SV2B: variants seen among roughly 807,000 people sequenced by gnomAD.
SV2B encodes the protein synaptic vesicle glycoprotein 2B.
In SV2B, 41 loss-of-function variants were observed where a neutral mutation model predicts 73.9. The ratio of observed to expected loss-of-function variants is 0.56; its 90% confidence interval spans 0.43 to 0.72. The LOEUF is 0.72. SV2B is among the 30% of genes least tolerant of loss of function. The probability of loss-of-function intolerance (pLI) is 0.00; values close to 1 mark genes in which losing one functional copy is unlikely to be tolerated. For missense variants in SV2B, 764 were observed against 857.8 expected (o/e 0.89, Z 1.37); for synonymous variants, 314 against 314.2 (o/e 1.00, Z 0.01).
In SV2B at chr15:91,132,623, G is replaced by C. The variant is rs2042689649; in HGVS notation, c.-392+32260G>C. Among the ~76,000 whole-genome samples, 2 of 152,170 alleles carry C rather than the reference G, an allele frequency of 1.3e-5. No homozygotes were observed. Among genetic ancestry groups the C allele is most frequent in the East Asian group, 1.9e-4 (1 of 5,200 alleles). ...TGTTACTTAGGAGTGGAAAGTTAGGGTTTTCCTTTTGATTTAGTTCTAGGA... is the reference window on the plus strand; with the variant it reads ...TGTTACTTAGGAGTGGAAAGTTAGGCTTTTCCTTTTGATTTAGTTCTAGGA... On this transcript the variant is annotated intron_variant, in intron 1 of 12. Transcript: ENST00000394232. The surrounding 1 kb of genome is among the most constrained non-coding windows in gnomAD (Gnocchi z 4.6).
At chr15:91,183,757 A>T (rs1287253501) in intron 1 of SV2B, among the ~76,000 whole-genome samples, 2 of 152,242 alleles carry the variant, frequency 1.3e-5, no homozygotes, top group Non-Finnish European at 2.9e-5. Context: ...GAGCAAACAG[A>T]TCAAAGAAGT....
rs1228115580 is a variant in SV2B at position 91,226,109 on chromosome 15, G to C, written c.-155G>C. Reference sequence around the variant, plus strand: ...TCTGGTTGATTTGAGAGATAAAGGGGGGGGGAACCAGTGTGACTTTCACCT... The same window carrying C: ...TCTGGTTGATTTGAGAGATAAAGGGCGGGGGAACCAGTGTGACTTTCACCT... On this transcript the variant is annotated 5_prime_UTR_variant, in exon 2 of 13. Coordinates refer to ENST00000394232, the MANE Select transcript of SV2B (RefSeq NM_001323032.3). 1.4e-6 allele frequency: 1 copy of C among 702,012 alleles called. No homozygotes were observed. The highest frequency in any genetic ancestry group is 1.8e-5 in the African/African-American group (1 of 55,546). The allele number at this position is 702,012 out of a possible 1,614,324, so 43.5% of individuals were successfully genotyped here. A position where few individuals can be genotyped will look rare whatever the true frequency, so the allele number is the denominator to read the frequency against.
At chr15:91,156,758 A>G (rs975547856) in intron 1 of SV2B, among the ~76,000 whole-genome samples, 9 of 152,230 alleles carry the variant, frequency 5.9e-5, no homozygotes, top group African/African-American at 1.7e-4. Context: ...GAGTAACTCA[A>G]TATCACCTGC....
At position 91,121,736 on chromosome 15, in the gene SV2B, C is replaced by A. The variant is rs57680601; in HGVS notation, c.-392+21373C>A. On this transcript the variant is annotated intron_variant, in intron 1 of 12. Coordinates refer to ENST00000394232, the MANE Select transcript of SV2B (RefSeq NM_001323032.3). The surrounding 1 kb of genome is among the most constrained non-coding windows in gnomAD (Gnocchi z 4.4). ...TCCTTTACACCACTCCTTTCCCCTTCGCGCTCACCTCAAGAAACCATCTAT... is the reference window on the plus strand; with the variant it reads ...TCCTTTACACCACTCCTTTCCCCTTAGCGCTCACCTCAAGAAACCATCTAT... Among the ~76,000 whole-genome samples the A allele has an allele frequency of 1.3e-5, 2 of 150,448 alleles. No homozygotes were observed. Among genetic ancestry groups the A allele is most frequent in the African/African-American group, 5.0e-5 (2 of 40,120 alleles).
intron 1 of SV2B, among the ~76,000 whole-genome samples, chr15:91,135,467 T>C (rs1055687818): frequency 5.3e-5 from 8 of 152,204 alleles, no homozygotes; most frequent in Non-Finnish European, 7.3e-5. Context: ...GTACTTTTTG[T>C]TGAGCAAGTG....
Position 91,293,443 on chromosome 15 carries a change from T to C in SV2B, c.*891T>C, listed in dbSNP as rs993408294. ...GGGAGGATGAATTAACAAACTCACA[T>C]TGTGCAGTCTGCTTAATCCAGGCAC... On this transcript the variant is annotated 3_prime_UTR_variant, in exon 13 of 13. Coordinates refer to ENST00000394232, the MANE Select transcript of SV2B (RefSeq NM_001323032.3). 1.3e-5 allele frequency: 2 copies of C among 152,330 alleles called. No individual in the cohort carries two copies. Among genetic ancestry groups the C allele is most frequent in the African/African-American group, 4.8e-5 (2 of 41,570 alleles). 9.4% of individuals were successfully genotyped at this position (152,330 alleles called of 1,614,324 possible).
At chr15:91,201,542 T>C (rs2045460712) in intron 1 of SV2B, among the ~76,000 whole-genome samples, 1 of 152,204 alleles carries the variant, frequency 6.6e-6, no homozygotes, top group South Asian at 2.1e-4. Context: ...CATTTCTCCC[T>C]GAACTCTGTT....
intron 1 of SV2B, among the ~76,000 whole-genome samples, chr15:91,103,271 C>G (rs865796728): frequency 6.6e-6 from 1 of 152,200 alleles, no homozygotes; most frequent in African/African-American, 2.4e-5. Context: ...ACGCAACATT[C>G]AGATTTCTCC....
At position 91,245,162 on chromosome 15, in the gene SV2B, A is replaced by G. The variant is rs886908152; in HGVS notation, c.452-6657A>G. 6.6e-5 allele frequency among the ~76,000 whole-genome samples: 10 copies of G among 152,304 alleles called. No homozygotes were observed. The highest frequency in any genetic ancestry group is 1.9e-4 in the African/African-American group (8 of 41,548). ...CTGTCTGTGTGAAAAGCATCTCTAAAGCTGAGAAGAGGTTTCTGATATCTG... is the reference window on the plus strand; with the variant it reads ...CTGTCTGTGTGAAAAGCATCTCTAAGGCTGAGAAGAGGTTTCTGATATCTG... On this transcript the variant is annotated intron_variant, in intron 2 of 12. Coordinates refer to ENST00000394232, the MANE Select transcript of SV2B (RefSeq NM_001323032.3). This position sits in a 1 kb window ranked among gnomAD's most constrained non-coding sequence, Gnocchi z 4.2.
chr15:91,229,621 A>T lies in SV2B; in HGVS notation c.451+2907A>T, dbSNP rs2141503103. ...CCTTGTTTGCAAAATGGAGATAATAATAGTATCTACTTCATAGGATTATTC... is the reference window on the plus strand; with the variant it reads ...CCTTGTTTGCAAAATGGAGATAATATTAGTATCTACTTCATAGGATTATTC... On this transcript the variant is annotated intron_variant, in intron 2 of 12. Coordinates refer to ENST00000394232, the MANE Select transcript of SV2B (RefSeq NM_001323032.3). The surrounding 1 kb of genome is among the most constrained non-coding windows in gnomAD (Gnocchi z 4.3). Among the ~76,000 whole-genome samples the T allele has an allele frequency of 6.6e-6, 1 of 152,240 alleles. No homozygotes were observed. Among genetic ancestry groups the T allele is most frequent in the South Asian group, 2.1e-4 (1 of 4,820 alleles).
intron 1 of SV2B, among the ~76,000 whole-genome samples, chr15:91,175,380 G>A (rs1299206911): frequency 4.0e-5 from 6 of 151,628 alleles, no homozygotes; most frequent in Admixed American, 6.6e-5. Context: ...TCAGCCTCCC[G>A]AGTAGCTGGG....
Position 91,226,108 on chromosome 15 carries a change from G to GA in SV2B, c.-156_-155insA. Reference sequence around the variant, plus strand: ...ATCTGGTTGATTTGAGAGATAAAGGGGGGGGGAACCAGTGTGACTTTCACC... The same window carrying GA: ...ATCTGGTTGATTTGAGAGATAAAGGGAGGGGGGAACCAGTGTGACTTTCACC... On this transcript the variant is annotated 5_prime_UTR_variant, in exon 2 of 13. Transcript: ENST00000394232. The GA allele has an allele frequency of 1.4e-6, 1 of 697,724 alleles. No individual in the cohort carries two copies. The highest frequency in any genetic ancestry group is 2.3e-6 in the Non-Finnish European group (1 of 426,040). The allele number at this position is 697,724 out of a possible 1,614,324, so 43.2% of individuals were successfully genotyped here.
At position 91,241,007 on chromosome 15, in the gene SV2B, G is replaced by A. The variant is rs1470020580; in HGVS notation, c.452-10812G>A. Among the ~76,000 whole-genome samples the A allele has an allele frequency of 6.6e-6, 1 of 152,144 alleles. No homozygotes were observed. The highest frequency in any genetic ancestry group is 2.1e-4 in the South Asian group (1 of 4,820). On this transcript the variant is annotated intron_variant, in intron 2 of 12. Coordinates refer to ENST00000394232, the MANE Select transcript of SV2B (RefSeq NM_001323032.3). This position sits in a 1 kb window ranked among gnomAD's most constrained non-coding sequence, Gnocchi z 4.8. ...AGAGCATCACTTACTACACATTCTT[G>A]TTGCAGTCATCCACTGACTGGGCCA...
intron 1 of SV2B, among the ~76,000 whole-genome samples, chr15:91,187,322 T>C (rs1002988842): frequency 1.3e-5 from 2 of 152,244 alleles, no homozygotes; most frequent in Non-Finnish European, 2.9e-5. Context: ...TGCTCTTAAA[T>C]GTTTCTCAGT....
intron 1 of SV2B, among the ~76,000 whole-genome samples, chr15:91,127,314 G>A (rs2042513420): frequency 1.3e-5 from 2 of 152,248 alleles, no homozygotes; most frequent in Middle Eastern, 3.4e-3. Context: ...GCACATTTAA[G>A]CATTTTTGAG....
rs576210653 is a variant in SV2B at position 91,136,483 on chromosome 15, G to C, written c.-392+36120G>C. 2.0e-5 allele frequency among the ~76,000 whole-genome samples: 3 copies of C among 152,230 alleles called. No individual in the cohort carries two copies. Among genetic ancestry groups the C allele is most frequent in the Non-Finnish European group, 4.4e-5 (3 of 68,046 alleles). The stretch of plus-strand genomic sequence containing the variant: ...CAGTGGGAAGGCCCATGCGTCTCGG[G>C]TGCTTTGTCCCAGGGAGAGAACTGT... On this transcript the variant is annotated intron_variant, in intron 1 of 12. Transcript: ENST00000394232. This position sits in a 1 kb window ranked among gnomAD's most constrained non-coding sequence, Gnocchi z 5.6.
chr15:91,148,901 G>A (rs2043225392), intron 1 of SV2B, among the ~76,000 whole-genome samples: 1 of 152,172 alleles, frequency 6.6e-6, no homozygotes, highest in South Asian at 2.1e-4. Flanking sequence ...TTGGGAGGGA[G>A]CCTTCTGCTT....
intron 1 of SV2B, among the ~76,000 whole-genome samples, chr15:91,167,204 T>C (rs555488706): frequency 3.9e-4 from 59 of 152,328 alleles, no homozygotes; most frequent in African/African-American, 1.3e-3. Context: ...AGTAGTTTTT[T>C]TAAGGTCTTT....
chr15:91,103,916 A>G (rs1003227121), intron 1 of SV2B, among the ~76,000 whole-genome samples: 17 of 152,222 alleles, frequency 1.1e-4, no homozygotes, highest in African/African-American at 3.9e-4. Context: ...GTTCACCTGC[A>G]TGCCAGCTTA....
Sources: allele counts gnomAD v4.1 joint callset (sites outside exome capture counted in the v4.1 genomes callset), GRCh38; gene constraint gnomAD v4.1.1; non-coding constraint Gnocchi (gnomAD v3.1); transcripts MANE v1.5; gene names NCBI Gene and HGNC (gene_info 2026-07-23, HGNC 2026-07-21).